MASP1: variants seen among roughly 807,000 people sequenced by gnomAD.
MASP1 encodes mannan-binding lectin serine protease 1.
A neutral mutation model predicts 77.1 loss-of-function variants in MASP1; 59 were observed. The ratio of observed to expected loss-of-function variants is 0.77; its 90% CI spans 0.62 to 0.95. The LOEUF is 0.95. Among genes scored for constraint, MASP1 ranks in the 40% least tolerant of loss-of-function variants. The pLI, the probability that MASP1 is intolerant of heterozygous loss-of-function variation, is 0.00. For missense variants in MASP1, 885 were observed against 912.9 expected (o/e 0.97, Z 0.39); for synonymous variants, 362 against 354.5 (o/e 1.02, Z -0.24).
intron 2 of MASP1, among the ~76,000 whole-genome samples, chr3:187,275,751 C>T (rs749000207): frequency 6.6e-6 from 1 of 152,070 alleles, no homozygotes; most frequent in Non-Finnish European, 1.5e-5. Flanking sequence ...AATGATAAGC[C>T]ACTGCGCATC....
chr3:187,289,174 G>T (rs1718098046), intron 1 of MASP1, among the ~76,000 whole-genome samples: 1 of 140,384 alleles, frequency 7.1e-6, no homozygotes, highest in African/African-American at 3.0e-5. Flanking sequence ...GATTTCAGAG[G>T]CCCCCCGTAG....
In MASP1 at chr3:187,235,541, C is replaced by T. The variant is rs1190573967; in HGVS notation, c.*143G>A. 5 of 1,540,110 alleles carry T rather than the reference C, an allele frequency of 3.2e-6. No homozygotes were observed. The Admixed American group carries it at 7.7e-5, about 24-fold the overall frequency. The stretch of plus-strand genomic sequence containing the variant: ...TATACCACACTCTGCCTCTCAGGGT[C>T]CTGGGGGCTGTCTCGGTAGGAGAAG... On this transcript the variant is annotated 3_prime_UTR_variant, in exon 11 of 11. Coordinates refer to ENST00000296280, the MANE Select transcript of MASP1 (RefSeq NM_139125.4).
intron 1 of MASP1, among the ~76,000 whole-genome samples, chr3:187,287,189 C>T (rs966408158): frequency 6.6e-6 from 1 of 152,206 alleles, no homozygotes; most frequent in African/African-American, 2.4e-5. Flanking sequence ...AGCGTCTGCT[C>T]CTGGGATGGC....
chr3:187,221,960 A>G (rs971212036), intron 14 of MASP1, among the ~76,000 whole-genome samples: 1 of 152,230 alleles, frequency 6.6e-6, no homozygotes, highest in African/African-American at 2.4e-5. Context: ...TCTTTCAGTC[A>G]AATCAAGAAC....
At chr3:187,251,465 T>G in intron 7 of MASP1, 169 bp downstream of exon 7, 1 of 645,676 alleles carries the variant, frequency 1.5e-6, no homozygotes, top group Non-Finnish European at 2.8e-6. Context: ...TGAGACCGCC[T>G]GGGACGCATG....
intron 1 of MASP1, among the ~76,000 whole-genome samples, chr3:187,287,453 T>C (rs1003345593): frequency 1.3e-5 from 2 of 152,240 alleles, no homozygotes; most frequent in African/African-American, 4.8e-5. Context: ...TTCTCTATTA[T>C]TGTGGGTATC....
At position 187,235,933 on chromosome 3, in the gene MASP1, G is replaced by A. The variant is rs764721542; in HGVS notation, c.1938C>T (p.Asn646=). Residue 646 remains asparagine (N), a synonymous_variant, in exon 11 of 11, where the codon AAC becomes AAT. Coordinates refer to ENST00000296280, the MANE Select transcript of MASP1 (RefSeq NM_139125.4). Reference sequence around the variant, plus strand: ...CCTCGTAGTAGCCAGCACAGAACATGTTCTCCGTGACGCTGTAATTGCCCG... The same window carrying A: ...CCTCGTAGTAGCCAGCACAGAACATATTCTCCGTGACGCTGTAATTGCCCG... The part of the protein sequence containing the change: ...SRSGNYSVTE[N]MFCAGYYEGG... The A allele has an allele frequency of 6.2e-7, 1 of 1,614,238 alleles. No individual in the cohort carries two copies. The highest frequency in any genetic ancestry group is 8.5e-7 in the Non-Finnish European group (1 of 1,180,040).
intron 1 of MASP1, chr3:187,291,292 G>T (rs932848468): frequency 2.3e-6 from 1 of 442,512 alleles, no homozygotes; most frequent in Non-Finnish European, 4.2e-6. Flanking sequence ...GGAGGAACAC[G>T]GAAAAATCAG....
chr3:187,232,279 A>G (rs1579471912), downstream of MASP1, among the ~76,000 whole-genome samples: 1 of 127,232 alleles, frequency 7.9e-6, no homozygotes, highest in Admixed American at 1.0e-4. Flanking sequence ...CATGCCTTCC[A>G]TGATGCTGGT....
intron 1 of MASP1, among the ~76,000 whole-genome samples, chr3:187,289,423 C>T (rs921795275): frequency 6.6e-6 from 1 of 152,118 alleles, no homozygotes; most frequent in Non-Finnish European, 1.5e-5. Context: ...ATGCTCAATA[C>T]CATATGGTGA....
chr3:187,259,243 A>G (rs710464), intron 4 of MASP1, among the ~76,000 whole-genome samples: 149,096 of 152,210 alleles, frequency 0.98, 73,086 homozygotes, highest in Middle Eastern at 1. Flanking sequence ...AGAAAACTGT[A>G]GTTCTGAAAA....
At chr3:187,224,134 C>T (rs1477002244) in intron 13 of MASP1, among the ~76,000 whole-genome samples, 1 of 152,156 alleles carries the variant, frequency 6.6e-6, no homozygotes, top group Non-Finnish European at 1.5e-5. Flanking sequence ...GATGTGGCAC[C>T]ACTGAAATTA....
At chr3:187,242,259 C>T (rs1026539275) in intron 9 of MASP1, 2 of 152,634 alleles carry the variant, frequency 1.3e-5, no homozygotes, top group African/African-American at 4.8e-5. Flanking sequence ...CGCTTGTAAT[C>T]CCAGCACTTT....
chr3:187,247,112 G>C, intron 8 of MASP1: 1 of 1,426,134 alleles, frequency 7.0e-7, no homozygotes, highest in Admixed American at 2.9e-5. Context: ...ATTATTTTCT[G>C]GAATAGTGTT....
At chr3:187,280,312 A>G (rs1167413288) in intron 2 of MASP1, among the ~76,000 whole-genome samples, 1 of 152,252 alleles carries the variant, frequency 6.6e-6, no homozygotes, top group East Asian at 1.9e-4. Context: ...CATTACATAA[A>G]CATGTCACAG....
chr3:187,258,391 G>A (rs770103925), intron 4 of MASP1, among the ~76,000 whole-genome samples: 1 of 152,212 alleles, frequency 6.6e-6, no homozygotes, highest in Non-Finnish European at 1.5e-5. Flanking sequence ...TTAATGTGAA[G>A]TCTCCATCCC....
intron 2 of MASP1, among the ~76,000 whole-genome samples, chr3:187,277,063 G>A (rs1368052542): frequency 6.6e-6 from 1 of 152,142 alleles, no homozygotes; most frequent in Non-Finnish European, 1.5e-5. Context: ...AAGGGGCATT[G>A]GACTGGGAGT....
At position 187,236,096 on chromosome 3, in the gene MASP1, C is replaced by A. The variant is rs1713146119; in HGVS notation, c.1775G>T (p.Gly592Val). 12 of 1,614,006 alleles carry A rather than the reference C, an allele frequency of 7.4e-6. No homozygotes were observed. Among genetic ancestry groups the A allele is most frequent in the Non-Finnish European group, 1.0e-5 (12 of 1,180,048 alleles). Residue 592 changes from glycine to valine, a missense_variant, in exon 11 of 11, where the codon GGC (glycine) becomes GTC (valine). By Grantham distance (109) the Gly-to-Val change is moderately radical. Coordinates refer to ENST00000296280, the MANE Select transcript of MASP1 (RefSeq NM_139125.4). The stretch of plus-strand genomic sequence containing the variant: ...CACATTGGGATTGGAGATGCCCCAG[C>A]CGGCCACCAGGCCCAGCATGTGGGG... Reference protein sequence around the residue: ...PAPHMLGLVAGWGISNPNVTV... With the variant: ...PAPHMLGLVAVWGISNPNVTV...
downstream of MASP1, among the ~76,000 whole-genome samples, chr3:187,232,965 G>A (rs772350344): frequency 2.6e-5 from 4 of 152,086 alleles, no homozygotes; most frequent in Non-Finnish European, 4.4e-5. Flanking sequence ...TCACTATCAC[G>A]TGCCACTCAT....
Sources: gnomAD v4.1 joint callset for allele counts (sites outside exome capture counted in the v4.1 genomes callset) on GRCh38, gnomAD v4.1.1 for gene constraint, MANE v1.5 for transcripts, NCBI Gene and HGNC (gene_info 2026-07-23, HGNC 2026-07-21) for gene names.